The following DACH2 variants were observed in gnomAD, a reference collection of about 807,000 sequenced individuals.
The protein encoded by DACH2 is dachshund family transcription factor 2, also known as dachshund homolog 2.
DACH2 carries 17 observed loss-of-function variants against 35.8 expected under a neutral mutation model. The observed-to-expected ratio is 0.48, with a 90% CI of 0.33 to 0.71. DACH2 has a LOEUF of 0.71. Ranked by LOEUF, DACH2 falls within the 30% of genes least tolerant of loss-of-function variation. DACH2 has a pLI of 0.02. For missense variants in DACH2, 469 were observed against 472.7 expected, an observed-to-expected ratio of 0.99 and a Z score of 0.07; for synonymous variants, 195 against 177.3, an observed-to-expected ratio of 1.10 and a Z score of -0.79.
chrX:86,572,329 A>G (rs1033444420), intron 3 of DACH2, among the ~76,000 whole-genome samples: 4 of 111,683 alleles, frequency 3.6e-5, no homozygotes, highest in African/African-American at 1.3e-4. Flanking sequence ...TGCAAAAAAA[A>G]ATTCAGTGTT....
chrX:86,738,419 C>T (rs1298363622), intron 6 of DACH2, among the ~76,000 whole-genome samples: 3 of 111,601 alleles, frequency 2.7e-5, no homozygotes. Flanking sequence ...AGCACATATT[C>T]GACAAATTAT....
intron 1 of DACH2, among the ~76,000 whole-genome samples, chrX:86,247,830 A>G (rs1289246923): frequency 9.0e-6 from 1 of 111,074 alleles, no homozygotes; most frequent in Non-Finnish European, 1.9e-5. Flanking sequence ...GCACATCAAA[A>G]AGCAAATCCA....
intron 3 of DACH2, among the ~76,000 whole-genome samples, chrX:86,625,117 A>G (rs1179730418): frequency 9.0e-6 from 1 of 110,695 alleles, no homozygotes; most frequent in African/African-American, 3.3e-5. Context: ...ATTTATTGTT[A>G]ATAGGACTGT....
chrX:86,523,382 C>T lies in DACH2; in HGVS notation c.640+8991C>T, dbSNP rs758461624. On this transcript the variant is annotated intron_variant, in intron 3 of 11. Transcript: ENST00000373125. ...CTTAGATTGGATGCTAAGAAGTGGT[C>T]ATAAAGAGATGTCCTAGGACATTCT... Among the ~76,000 whole-genome samples the T allele has an allele frequency of 2.7e-5, 3 of 111,481 alleles. No homozygotes were observed. The Admixed American group carries it at 2.9e-4, about 11-fold the overall frequency.
chrX:86,315,374 G>A (rs12843073), intron 1 of DACH2, among the ~76,000 whole-genome samples: 52 of 112,313 alleles, frequency 4.6e-4, no homozygotes, highest in Non-Finnish European at 8.6e-4. Flanking sequence ...CCCAAGAGCC[G>A]TGATGGAGAT....
At chrX:86,729,413 G>A (rs1343500323) in intron 6 of DACH2, among the ~76,000 whole-genome samples, 1 of 111,682 alleles carries the variant, frequency 9.0e-6, no homozygotes, top group African/African-American at 3.3e-5. Context: ...TAGGCTCATA[G>A]GTGGAAAGGA....
intron 1 of DACH2, among the ~76,000 whole-genome samples, chrX:86,173,730 A>T (rs1050173396): frequency 3.6e-5 from 4 of 111,895 alleles, no homozygotes; most frequent in African/African-American, 1.3e-4. Flanking sequence ...TCCTGAATGA[A>T]ATGGATTATT....
At chrX:86,426,343 G>T (rs1397698992) in intron 2 of DACH2, among the ~76,000 whole-genome samples, 1 of 110,773 alleles carries the variant, frequency 9.0e-6, no homozygotes, top group Non-Finnish European at 1.9e-5. Context: ...CTTCACCTCT[G>T]ATTTGCTTCC....
intron 1 of DACH2, among the ~76,000 whole-genome samples, chrX:86,348,178 G>A (rs1188472752): frequency 9.0e-6 from 1 of 111,642 alleles, no homozygotes; most frequent in Non-Finnish European, 1.9e-5. Context: ...TAAAAGGCTA[G>A]TTCATGTACA....
intron 5 of DACH2, among the ~76,000 whole-genome samples, chrX:86,703,883 G>A (rs757427755): frequency 2.7e-5 from 3 of 111,185 alleles, no homozygotes; most frequent in Non-Finnish European, 5.7e-5. Context: ...TGGCCATACC[G>A]CCCAAAGCCA....
intron 6 of DACH2, among the ~76,000 whole-genome samples, chrX:86,729,275 C>A (rs899620453): frequency 8.9e-6 from 1 of 112,049 alleles, no homozygotes; most frequent in Admixed American, 9.4e-5. Context: ...TTTGAACTTG[C>A]GTGGGACCTT....
At chrX:86,368,288 A>C (rs1203656308) in intron 1 of DACH2, among the ~76,000 whole-genome samples, 1 of 111,650 alleles carries the variant, frequency 9.0e-6, no homozygotes, top group Non-Finnish European at 1.9e-5. Flanking sequence ...TGTGGTCATA[A>C]TTTCTCTCTT....
chrX:86,755,103 T>A lies in DACH2; in HGVS notation c.1240+15221T>A, dbSNP rs192321208. ...GCCAGCATCTGTTATTTGTTATCTA[T>A]TTAATAATAACCATTCTAACTGGGG... On this transcript the variant is annotated intron_variant, in intron 7 of 11. Transcript: ENST00000373125. Among the ~76,000 whole-genome samples, 4 of 111,793 alleles carry A rather than the reference T, an allele frequency of 3.6e-5. No individual in the cohort carries two copies. In the East Asian group the frequency reaches 8.5e-4, roughly 24 times the overall value.
At chrX:86,288,240 G>A (rs1047283205) in intron 1 of DACH2, among the ~76,000 whole-genome samples, 11 of 107,570 alleles carry the variant, frequency 1.0e-4, no homozygotes, top group African/African-American at 3.4e-4. Context: ...CCCAAGAAAA[G>A]GAGTCTTTCC....
chrX:86,579,065 G>A (rs1182442248), intron 3 of DACH2, among the ~76,000 whole-genome samples: 1 of 110,260 alleles, frequency 9.1e-6, no homozygotes, highest in East Asian at 2.8e-4. Context: ...TGCAGTATGA[G>A]TATGTGTTCA....
chrX:86,397,760 A>T (rs2036328347), intron 2 of DACH2, among the ~76,000 whole-genome samples: 3 of 111,669 alleles, frequency 2.7e-5, no homozygotes, highest in Non-Finnish European at 5.6e-5. Flanking sequence ...CATGGTGAAT[A>T]AGCTTTTTGA....
At chrX:86,387,151 A>G (rs1422388683) in intron 2 of DACH2, among the ~76,000 whole-genome samples, 1 of 111,165 alleles carries the variant, frequency 9.0e-6, no homozygotes, top group Non-Finnish European at 1.9e-5. Flanking sequence ...CCAGCATCCC[A>G]ATACACTACT....
intron 3 of DACH2, among the ~76,000 whole-genome samples, chrX:86,595,556 G>C (rs1462259806): frequency 1.8e-5 from 2 of 111,030 alleles, no homozygotes; most frequent in Admixed American, 9.6e-5. Context: ...TAAATCCACT[G>C]TGACAGTGTC....
intron 1 of DACH2, among the ~76,000 whole-genome samples, chrX:86,204,222 C>T (rs1303457333): frequency 8.9e-6 from 1 of 111,785 alleles, no homozygotes; most frequent in Non-Finnish European, 1.9e-5. Flanking sequence ...TCATTGTTCT[C>T]TCCTCAGAAC....
Sources: gnomAD v4.1 joint callset for allele counts (sites outside exome capture counted in the v4.1 genomes callset) on GRCh38, gnomAD v4.1.1 for gene constraint, MANE v1.5 for transcripts, NCBI Gene and HGNC (gene_info 2026-07-23, HGNC 2026-07-21) for gene names.